PPFIBP2: variants seen among roughly 807,000 people sequenced by gnomAD.
PPFIBP2 encodes the protein PPFIB scaffold protein 2, also known as liprin-beta-2.
A neutral mutation model predicts 118.3 loss-of-function variants in PPFIBP2; 118 were observed. The ratio of observed to expected loss-of-function variants is 1.00; its 90% confidence interval spans 0.86 to 1.16. The LOEUF (loss-of-function observed/expected upper bound fraction) is 1.16. Ranked by LOEUF, PPFIBP2 falls within the 50% of genes most tolerant of loss-of-function variation. The pLI is 0.00. For missense variants in PPFIBP2, 1,195 were observed against 1,073.1 expected, an observed-to-expected ratio of 1.11 and a Z score of -1.59; for synonymous variants, 414 against 397.4, an observed-to-expected ratio of 1.04 and a Z score of -0.50.
At chr11:7,537,829 CTCCCCAA>C (rs910694072) in intron 1 of PPFIBP2, among the ~76,000 whole-genome samples, 1 of 152,180 alleles carries the variant, frequency 6.6e-6, no homozygotes, top group Non-Finnish European at 1.5e-5. Context: ...CCGCTCCCCA[CTCCCCAA>C]TCCCTCTCCT....
intron 4 of PPFIBP2, among the ~76,000 whole-genome samples, chr11:7,596,176 G>T (rs1013954081): frequency 6.6e-6 from 1 of 152,184 alleles, no homozygotes; most frequent in East Asian, 1.9e-4. Flanking sequence ...CCATAGAAAT[G>T]TTTAACCCTC....
chr11:7,607,018 C>T (rs190629599), intron 5 of PPFIBP2, among the ~76,000 whole-genome samples: 4 of 146,060 alleles, frequency 2.7e-5, no homozygotes, highest in Admixed American at 7.0e-5. Context: ...TCACGCCATT[C>T]TCCTGCCTCA....
chr11:7,525,860 C>A (rs1026733250), intron 1 of PPFIBP2, among the ~76,000 whole-genome samples: 12 of 152,104 alleles, frequency 7.9e-5, no homozygotes, highest in Admixed American at 4.6e-4. Context: ...AAGCCGGTAT[C>A]CCTGTCTTAC....
chr11:7,518,782 C>A (rs1016840834), intron 1 of PPFIBP2, among the ~76,000 whole-genome samples: 2 of 152,138 alleles, frequency 1.3e-5, no homozygotes, highest in South Asian at 2.1e-4. Flanking sequence ...CTTAACAATA[C>A]CTTCAGCTCT....
the PPFIBP2 span, chr11:7,665,982 C>T: frequency 3.5e-4 from 500 of 1,415,064 alleles, 3 homozygotes; most frequent in East Asian, 8.4e-3. Context: ...GTGAGAGGCG[C>T]GCCTGTGGGG....
chr11:7,583,963 G>T (rs1043601232), intron 3 of PPFIBP2, among the ~76,000 whole-genome samples: 1 of 152,208 alleles, frequency 6.6e-6, no homozygotes, highest in South Asian at 2.1e-4. Flanking sequence ...CATTCAAATG[G>T]TGCCTCCACT....
chr11:7,597,266 C>A, intron 4 of PPFIBP2: 3 of 1,535,050 alleles, frequency 2.0e-6, no homozygotes, highest in Non-Finnish European at 2.6e-6. Flanking sequence ...AGCAGGAGTC[C>A]AGCCCAGAGG....
chr11:7,601,295 C>G (rs1180940593), intron 5 of PPFIBP2, among the ~76,000 whole-genome samples: 1 of 152,224 alleles, frequency 6.6e-6, no homozygotes, highest in Non-Finnish European at 1.5e-5. Context: ...CCAGAAAGAG[C>G]AAGAAGACCT....
chr11:7,653,791 G>GGA (rs397941312), downstream of PPFIBP2: 2 of 1,194,994 alleles, frequency 1.7e-6, no homozygotes, highest in Non-Finnish European at 2.1e-6. Flanking sequence ...CTTTGTTGGG[G>GGA]AAAAAGAGCT....
At chr11:7,622,000 G>A (rs369656615) in intron 7 of PPFIBP2, among the ~76,000 whole-genome samples, 1 of 152,218 alleles carries the variant, frequency 6.6e-6, no homozygotes, top group Non-Finnish European at 1.5e-5. Context: ...TTCCTTCCGT[G>A]TATTATTCTC....
chr11:7,570,185 G>A (rs1228742842), intron 3 of PPFIBP2, among the ~76,000 whole-genome samples: 3 of 152,190 alleles, frequency 2.0e-5, no homozygotes, highest in Middle Eastern at 3.2e-3. Flanking sequence ...CTTTGGCTAG[G>A]TTGGGTGGTG....
chr11:7,541,164 G>A (rs576721205), intron 1 of PPFIBP2, among the ~76,000 whole-genome samples: 1 of 152,294 alleles, frequency 6.6e-6, no homozygotes, highest in Non-Finnish European at 1.5e-5. Flanking sequence ...TCACCCGAAT[G>A]GCTAGATCAG....
intron 3 of PPFIBP2, among the ~76,000 whole-genome samples, chr11:7,569,727 C>G (rs1299920465): frequency 6.6e-6 from 1 of 152,154 alleles, no homozygotes; most frequent in Non-Finnish European, 1.5e-5. Context: ...TCCTTTACAA[C>G]TGGAAGACAC....
intron 17 of PPFIBP2, among the ~76,000 whole-genome samples, chr11:7,644,993 C>CTCCA (rs915920443): frequency 7.9e-6 from 1 of 126,228 alleles, no homozygotes; most frequent in Non-Finnish European, 1.6e-5. Context: ...CGCCACTGCA[C>CTCCA]TCCAGCCTGG....
intron 8 of PPFIBP2, among the ~76,000 whole-genome samples, chr11:7,627,958 G>T (rs912717943): frequency 2.6e-5 from 4 of 152,156 alleles, no homozygotes; most frequent in African/African-American, 9.7e-5. Context: ...TACTCAAGTT[G>T]TAAAGGATAA....
At chr11:7,639,956 C>A in intron 15 of PPFIBP2, 86 bp downstream of exon 15, 1 of 1,496,160 alleles carries the variant, frequency 6.7e-7, no homozygotes, top group Admixed American at 2.3e-5. Context: ...CACCTACCAC[C>A]ACAATCCACA....
chr11:7,570,183 A>G (rs983150042), intron 3 of PPFIBP2, among the ~76,000 whole-genome samples: 13 of 152,022 alleles, frequency 8.6e-5, no homozygotes, highest in Non-Finnish European at 1.8e-4. Context: ...ATCTTTGGCT[A>G]GGTTGGGTGG....
chr11:7,565,074 T>C (rs1194955585), intron 2 of PPFIBP2, among the ~76,000 whole-genome samples: 1 of 152,242 alleles, frequency 6.6e-6, no homozygotes, highest in East Asian at 1.9e-4. Context: ...ACGTAGTTTA[T>C]GGTCCCTAGT....
chr11:7,584,203 TTCAAG>T (rs1414327783), intron 3 of PPFIBP2, among the ~76,000 whole-genome samples: 1 of 152,232 alleles, frequency 6.6e-6, no homozygotes, highest in African/African-American at 2.4e-5. Context: ...CTCAGGATTA[TTCAAG>T]TCATTTCATA....
Sources: allele counts gnomAD v4.1 joint callset (sites outside exome capture counted in the v4.1 genomes callset), GRCh38; gene constraint gnomAD v4.1.1; transcripts MANE v1.5; gene names NCBI Gene and HGNC (gene_info 2026-07-23, HGNC 2026-07-21).